The following OC90 variants were observed in gnomAD, a reference collection of about 807,000 sequenced individuals.
OC90 encodes the protein otoconin 90.
In OC90, 46 loss-of-function variants were observed where a neutral mutation model predicts 47.3. The observed-to-expected ratio is 0.97, with a 90% CI of 0.77 to 1.24. The LOEUF is 1.24. Ranked by LOEUF, OC90 falls within the 50% of genes most tolerant of loss-of-function variation. OC90 has a pLI of 0.00. For synonymous variants in OC90, 271 were observed against 219.5 expected, an observed-to-expected ratio of 1.23 and a Z score of -2.07; for missense variants, 688 against 583.9, an observed-to-expected ratio of 1.18 and a Z score of -1.84.
chr8:132,038,660 A>T (rs1321480615), intron 8 of OC90, 130 bp downstream of exon 8: 1 of 740,442 alleles, frequency 1.4e-6, no homozygotes, highest in East Asian at 2.7e-5. Flanking sequence ...CAGAGAAGGC[A>T]GGACCACTTC....
chr8:132,039,230 C>T (rs1823016648), intron 6 of OC90, 107 bp from the exon 7 acceptor site: 2 of 1,215,878 alleles, frequency 1.6e-6, no homozygotes, highest in Non-Finnish European at 2.3e-6. Flanking sequence ...AAAAATCCCA[C>T]TCCCCTTGCA....
At chr8:132,042,712 A>G (rs79781157) in intron 4 of OC90, among the ~76,000 whole-genome samples, 2,269 of 152,338 alleles carry the variant, frequency 0.015, 56 homozygotes, top group African/African-American at 0.051. Context: ...CCAAACCACA[A>G]CGAGACACCA....
intron 12 of OC90, among the ~76,000 whole-genome samples, chr8:132,030,409 C>A (rs1822857543): frequency 6.6e-6 from 1 of 152,200 alleles, no homozygotes; most frequent in African/African-American, 2.4e-5. Context: ...CATATCATAA[C>A]TTACCTGCCC....
intron 2 of OC90, among the ~76,000 whole-genome samples, chr8:132,049,163 T>A (rs147280497): frequency 6.6e-6 from 1 of 151,728 alleles, no homozygotes; most frequent in African/African-American, 2.4e-5. Context: ...GCTTAACCTT[T>A]AAACACGTGT....
In OC90 at chr8:132,036,680, A is replaced by G. The variant is rs146604357; in HGVS notation, c.679+758T>C. Among the ~76,000 whole-genome samples, 748 of 152,358 alleles carry G rather than the reference A, an allele frequency of 4.9e-3. 11 individuals are homozygous for G. The highest frequency in any genetic ancestry group is 0.017 in the African/African-American group (723 of 41,584). ...GGCCATTATTTCCCTGAGGTTTGGA[A>G]CAGGTCCCTGTGGGAAGGAAGCTTA... is the stretch of plus-strand genomic sequence containing the variant. On this transcript the variant is annotated intron_variant, in intron 9 of 13. Transcript: ENST00000254627.
Position 132,041,719 on chromosome 8 carries a change from G to C in OC90, c.170-20C>G, listed in dbSNP as rs1173226025. On this transcript the variant is annotated intron_variant, in intron 4 of 13. Coordinates refer to ENST00000254627, the MANE Select transcript of OC90 (RefSeq NM_001080399.3). The stretch of plus-strand genomic sequence containing the variant: ...GGCAATCTGTGGGGGTGGGGGGCAG[G>C]GCCTGATAAGCACTGGGAACTAGGA... The C allele has an allele frequency of 2.6e-6, 4 of 1,511,322 alleles. No individual in the cohort carries two copies. Among genetic ancestry groups the C allele is most frequent in the Non-Finnish European group, 3.7e-6 (4 of 1,091,658 alleles). 93.6% of individuals were successfully genotyped at this position (1,511,322 alleles called of 1,614,324 possible). A position where few individuals can be genotyped will look rare whatever the true frequency, so the allele number is the denominator to read the frequency against.
Position 132,024,530 on chromosome 8 carries a change from A to G in OC90, c.1385T>C (p.Leu462Pro), listed in dbSNP as rs201609532. ...QEDLGRAKRF[L>P]RKSLGPLGIG... ...CCCCAAGGGACCCAGTGACTTCCGC[A>G]GAAACCTCTTGGCTCTGCCGAGGTC... The change falls in exon 14 of 14, where the codon CTG (leucine) becomes CCG (proline). Residue 462 changes from leucine to proline, a missense_variant. By Grantham distance (98) the Leu-to-Pro change is moderately conservative. Transcript: ENST00000254627. 186 of 1,597,236 alleles carry G rather than the reference A, an allele frequency of 1.2e-4. 2 individuals carry two copies. In the African/African-American group the frequency reaches 2.2e-3, roughly 19 times the overall value.
intron 2 of OC90, among the ~76,000 whole-genome samples, chr8:132,050,738 CA>C (rs1174511064): frequency 1.3e-5 from 2 of 152,142 alleles, no homozygotes; most frequent in African/African-American, 4.8e-5. Flanking sequence ...GCGGTGCCCA[CA>C]ACTGTAATCC....
chr8:132,035,927 G>A (rs186451818), intron 9 of OC90, among the ~76,000 whole-genome samples: 2 of 152,298 alleles, frequency 1.3e-5, no homozygotes, highest in East Asian at 1.9e-4. Flanking sequence ...ATCACTGCTC[G>A]TTAACCAAAG....
intron 2 of OC90, among the ~76,000 whole-genome samples, chr8:132,049,532 A>C (rs1016779119): frequency 2.6e-5 from 4 of 152,152 alleles, no homozygotes; most frequent in African/African-American, 9.7e-5. Context: ...AACAGGAAGG[A>C]GTGTTGATCT....
chr8:132,024,537 T>C lies in OC90; in HGVS notation c.1378A>G (p.Arg460Gly). 1 of 1,605,624 alleles carries C rather than the reference T, an allele frequency of 6.2e-7. No individual in the cohort carries two copies. The highest frequency in any genetic ancestry group is 1.1e-5 in the South Asian group (1 of 90,582). ...PPQEDLGRAK[R>G]FLRKSLGPLG... The stretch of plus-strand genomic sequence containing the variant: ...GGACCCAGTGACTTCCGCAGAAACC[T>C]CTTGGCTCTGCCGAGGTCCTCCTGT... Residue 460 changes from arginine to glycine, a missense_variant, in exon 14 of 14, where the codon AGG (arginine) becomes GGG (glycine). Coordinates refer to ENST00000254627, the MANE Select transcript of OC90 (RefSeq NM_001080399.3).
intron 12 of OC90, 57 bp downstream of exon 12, chr8:132,031,824 T>C (rs1822879085): frequency 6.7e-7 from 1 of 1,483,872 alleles, no homozygotes; most frequent in Admixed American, 1.8e-5. Flanking sequence ...CACCACCCTC[T>C]GGTGCAGACA....
chr8:132,030,578 A>G, intron 12 of OC90, among the ~76,000 whole-genome samples: 1 of 152,208 alleles, frequency 6.6e-6, no homozygotes, highest in Non-Finnish European at 1.5e-5. Context: ...TGTACTCAAA[A>G]ACCTTGACAC....
At position 132,038,950 on chromosome 8, in the gene OC90, T is replaced by G. The variant is rs145938860; in HGVS notation, c.586+45A>C. 1.8e-4 allele frequency: 297 copies of G among 1,613,706 alleles called. 2 individuals carry two copies. The African/African-American group carries it at 3.6e-3, about 20-fold the overall frequency. ...ATAATTGATCCCAAACCAGCTGCTGTCCAGATCCTCAGCCCCACGGCTGAT... is the reference window on the plus strand; with the variant it reads ...ATAATTGATCCCAAACCAGCTGCTGGCCAGATCCTCAGCCCCACGGCTGAT... On this transcript the variant is annotated intron_variant, in intron 7 of 13. Coordinates refer to ENST00000254627, the MANE Select transcript of OC90 (RefSeq NM_001080399.3).
At chr8:132,035,991 T>C (rs1256864852) in intron 9 of OC90, among the ~76,000 whole-genome samples, 1 of 152,216 alleles carries the variant, frequency 6.6e-6, no homozygotes, top group African/African-American at 2.4e-5. Context: ...TTATCATTGA[T>C]TTATGCTTAT....
chr8:132,024,485 C>T lies in OC90; in HGVS notation c.1430G>A (p.Arg477Lys). 1.3e-6 allele frequency: 2 copies of T among 1,538,626 alleles called. No individual in the cohort carries two copies. The change falls in exon 14 of 14, where the codon AGA (arginine) becomes AAA (lysine). Residue 477 changes from arginine to lysine, a missense_variant. Physicochemically the swap from Arg to Lys is conservative, Grantham distance 26. Transcript: ENST00000254627. ...GPLGIGPLHG[R>K] Reference sequence around the variant, plus strand: ...TTAGCCATTTTCTCTGGGCATCTATCTTCCATGAAGAGGCCCGATCCCCAA... The same window carrying T: ...TTAGCCATTTTCTCTGGGCATCTATTTTCCATGAAGAGGCCCGATCCCCAA...
At chr8:132,056,757 C>G (rs1230281840) in intron 1 of OC90, among the ~76,000 whole-genome samples, 1 of 152,154 alleles carries the variant, frequency 6.6e-6, no homozygotes, top group East Asian at 1.9e-4. Context: ...TAGCAGAAGG[C>G]ACTTCAGAGG....
At chr8:132,044,517 A>T (rs373142172) in intron 3 of OC90, 28 bp from the exon 4 acceptor site, 53 of 1,350,664 alleles carry the variant, frequency 3.9e-5, no homozygotes, top group Non-Finnish European at 4.4e-5. Flanking sequence ...AACAAATGAG[A>T]GTCTTGGTTT....
chr8:132,041,614 A>G lies in OC90; in HGVS notation c.255T>C (p.Cys85=), dbSNP rs1254012805. ...AGTCTCGGGGGCAGAGACCAGCCAC[A>G]CACTTCATACCATTGACAAACTGGA... The part of the protein sequence containing the change: ...VLIQFVNGMK[C]VAGLCPRDFE... Residue 85 remains cysteine (C), a synonymous_variant, in exon 5 of 14, where the codon TGT becomes TGC. Transcript: ENST00000254627. The G allele has an allele frequency of 6.2e-7, 1 of 1,612,278 alleles. No homozygotes were observed. The highest frequency in any genetic ancestry group is 2.2e-5 in the East Asian group (1 of 44,716).
Sources: allele counts gnomAD v4.1 joint callset (sites outside exome capture counted in the v4.1 genomes callset), GRCh38; gene constraint gnomAD v4.1.1; transcripts MANE v1.5; gene names NCBI Gene and HGNC (gene_info 2026-07-23, HGNC 2026-07-21).